The following DPP10 variants were observed in gnomAD, a reference collection of about 807,000 sequenced individuals.
DPP10 encodes dipeptidyl peptidase like 10.
A neutral mutation model predicts 120.9 loss-of-function variants in DPP10; 33 were observed. That is an observed-to-expected ratio of 0.27 (90% CI 0.21 to 0.37). The LOEUF (loss-of-function observed/expected upper bound fraction) is 0.37, where lower values mean the gene tolerates loss of function less well. Ranked by LOEUF, DPP10 falls within the 10% of genes least tolerant of loss-of-function variation. The probability of loss-of-function intolerance (pLI) is 1.00; values close to 1 mark genes in which losing one functional copy is unlikely to be tolerated. For synonymous variants in DPP10, 337 were observed against 326.1 expected, an observed-to-expected ratio of 1.03 and a Z score of -0.36; for missense variants, 816 against 942.8, an observed-to-expected ratio of 0.87 and a Z score of 1.76.
intron 1 of DPP10, among the ~76,000 whole-genome samples, chr2:115,259,375 T>C (rs1389780805): frequency 1.3e-5 from 2 of 151,706 alleles, no homozygotes; most frequent in Non-Finnish European, 2.9e-5. Context: ...TCCCAGCTAC[T>C]TGGGAGGCTG....
At chr2:114,612,116 G>A (rs1033796515) in intron 1 of DPP10, among the ~76,000 whole-genome samples, 2 of 152,052 alleles carry the variant, frequency 1.3e-5, no homozygotes, top group African/African-American at 2.4e-5. Flanking sequence ...CTACATCAAC[G>A]TCTCCCTCCA....
intron 3 of DPP10, among the ~76,000 whole-genome samples, chr2:115,368,278 C>A (rs907350521): frequency 1.3e-5 from 2 of 152,116 alleles, no homozygotes; most frequent in Admixed American, 1.3e-4. Context: ...TGCCATATTT[C>A]TCTCCTTTCC....
At chr2:115,166,493 AATATTAT>A (rs1188773141) in intron 1 of DPP10, among the ~76,000 whole-genome samples, 1 of 146,564 alleles carries the variant, frequency 6.8e-6, no homozygotes, top group African/African-American at 2.5e-5. Context: ...TTTATATGTA[AATATTAT>A]ATATTATATA....
chr2:115,745,862 C>A (rs763825833), intron 9 of DPP10, among the ~76,000 whole-genome samples: 21 of 152,188 alleles, frequency 1.4e-4, no homozygotes, highest in Non-Finnish European at 2.8e-4. Flanking sequence ...TCACGATTTC[C>A]TATCACCTTT....
intron 1 of DPP10, among the ~76,000 whole-genome samples, chr2:115,040,992 G>A (rs945040414): frequency 1.3e-5 from 2 of 151,886 alleles, no homozygotes; most frequent in African/African-American, 4.8e-5. Context: ...TGTGGTGGGT[G>A]CCTGTCATCC....
intron 1 of DPP10, among the ~76,000 whole-genome samples, chr2:114,548,190 C>T (rs1018774227): frequency 2.0e-5 from 3 of 152,078 alleles, no homozygotes; most frequent in African/African-American, 7.3e-5. Context: ...CTATTATTAC[C>T]GTTAAGATGA....
At chr2:114,607,081 TA>T (rs1294298561) in intron 1 of DPP10, among the ~76,000 whole-genome samples, 1 of 152,168 alleles carries the variant, frequency 6.6e-6, no homozygotes, top group Non-Finnish European at 1.5e-5. Context: ...ACCTTCTTCC[TA>T]AAAGATTAAT....
At chr2:115,559,427 A>G (rs2080426079) in intron 5 of DPP10, among the ~76,000 whole-genome samples, 1 of 152,204 alleles carries the variant, frequency 6.6e-6, no homozygotes, top group African/African-American at 2.4e-5. Flanking sequence ...TTATAATTTA[A>G]CAACAGTAGC....
At chr2:114,895,598 A>G (rs922891936) in intron 1 of DPP10, among the ~76,000 whole-genome samples, 1 of 152,182 alleles carries the variant, frequency 6.6e-6, no homozygotes, top group African/African-American at 2.4e-5. Flanking sequence ...TGTGTGCTCT[A>G]ATGATGGTGC....
intron 1 of DPP10, among the ~76,000 whole-genome samples, chr2:114,903,534 T>C (rs887203884): frequency 6.6e-6 from 1 of 152,186 alleles, no homozygotes. Context: ...TGATGAGATA[T>C]GATGGGGAGA....
intron 3 of DPP10, among the ~76,000 whole-genome samples, chr2:115,476,698 G>A (rs1210354922): frequency 6.6e-6 from 1 of 152,116 alleles, no homozygotes; most frequent in Non-Finnish European, 1.5e-5. Flanking sequence ...CAACATTGGG[G>A]AATGACATTC....
chr2:114,886,735 C>G (rs1413754292), intron 1 of DPP10, among the ~76,000 whole-genome samples: 1 of 152,144 alleles, frequency 6.6e-6, no homozygotes, highest in Non-Finnish European at 1.5e-5. Context: ...CCTGAAGAGT[C>G]TTGTAATAGT....
intron 1 of DPP10, among the ~76,000 whole-genome samples, chr2:114,704,324 T>C (rs1470860090): frequency 6.6e-6 from 1 of 152,068 alleles, no homozygotes; most frequent in Non-Finnish European, 1.5e-5. Flanking sequence ...CTTAGTCTGA[T>C]AGTGAAGTAA....
chr2:115,662,067 T>C (rs2089027523), intron 5 of DPP10, among the ~76,000 whole-genome samples: 1 of 152,184 alleles, frequency 6.6e-6, no homozygotes, highest in Non-Finnish European at 1.5e-5. Flanking sequence ...ACTTTCTGCT[T>C]CTATATGTTT....
chr2:115,594,659 A>C (rs757640326), intron 5 of DPP10, among the ~76,000 whole-genome samples: 1 of 152,124 alleles, frequency 6.6e-6, no homozygotes, highest in Non-Finnish European at 1.5e-5. Flanking sequence ...ATGCCTATCC[A>C]GGTCCTTTCT....
intron 1 of DPP10, among the ~76,000 whole-genome samples, chr2:115,014,308 C>T (rs1702476982): frequency 6.6e-6 from 1 of 152,036 alleles, no homozygotes; most frequent in Admixed American, 6.6e-5. Context: ...AGAACAAAGA[C>T]ACAATATAGC....
intron 1 of DPP10, among the ~76,000 whole-genome samples, chr2:114,843,691 A>G (rs1210289206): frequency 6.6e-6 from 1 of 152,064 alleles, no homozygotes; most frequent in Non-Finnish European, 1.5e-5. Context: ...TCTGGCTCTC[A>G]GAACTAATAT....
chr2:115,764,815 A>G (rs1680525369), intron 12 of DPP10, among the ~76,000 whole-genome samples: 1 of 152,150 alleles, frequency 6.6e-6, no homozygotes, highest in South Asian at 2.1e-4. Context: ...TATGAAATTT[A>G]ATGTATGAGC....
At chr2:115,224,043 G>GA (rs1489460112) in intron 1 of DPP10, among the ~76,000 whole-genome samples, 1 of 152,080 alleles carries the variant, frequency 6.6e-6, no homozygotes, top group African/African-American at 2.4e-5. Flanking sequence ...ATGTGTACTA[G>GA]AGGTTCAATG....
Sources: gnomAD v4.1 joint callset for allele counts (sites outside exome capture counted in the v4.1 genomes callset) on GRCh38, gnomAD v4.1.1 for gene constraint, MANE v1.5 for transcripts, NCBI Gene and HGNC (gene_info 2026-07-23, HGNC 2026-07-21) for gene names.